The following MPST variants were observed in gnomAD, a reference collection of about 807,000 sequenced individuals.
MPST encodes the protein 3-mercaptopyruvate sulfurtransferase.
In MPST, 27 loss-of-function variants were observed where a neutral mutation model predicts 28.5. The ratio of observed to expected loss-of-function variants is 0.95; its 90% CI spans 0.70 to 1.31. MPST has a LOEUF of 1.31. MPST is among the 50% of genes most tolerant of loss of function. MPST has a pLI of 0.00. For synonymous variants in MPST, 204 were observed against 209.3 expected (o/e 0.97, Z 0.22); for missense variants, 492 against 471.1 (o/e 1.04, Z -0.41).
chr22:37,020,051 T>G (rs1922948220), intron 1 of MPST, 179 bp downstream of exon 1: 11 of 332,796 alleles, frequency 3.3e-5, no homozygotes, highest in Admixed American at 1.5e-4. Context: ...GCCTGCCGGG[T>G]GGGGTCGTGG....
Position 37,019,771 on chromosome 22 carries a change from G to T in MPST, c.-66G>T. 1.4e-6 allele frequency: 1 copy of T among 731,348 alleles called. No homozygotes were observed. Among genetic ancestry groups the T allele is most frequent in the Non-Finnish European group, 1.9e-6 (1 of 530,654 alleles). The allele number at this position is 731,348 out of a possible 1,614,324, so 45.3% of individuals were successfully genotyped here. A position where few individuals can be genotyped will look rare whatever the true frequency, so the allele number is the denominator to read the frequency against. ...CGGAGTCTCCTCCCTTTGGTCCGCT[G>T]CAGGTTGGTGGCGGGAGGAGGGGAC... On this transcript the variant is annotated 5_prime_UTR_variant, in exon 1 of 3. Transcript: ENST00000429360.
At position 37,029,441 on chromosome 22, in the gene MPST, G is replaced by A. The variant is rs1352286294; in HGVS notation, c.881G>A (p.Gly294Asp). Residue 294 changes from glycine (G) to aspartate (D), a missense_variant, in exon 3 of 3, where the codon GGC becomes GAC. By Grantham distance (94) the Gly-to-Asp change is moderately conservative. Coordinates refer to ENST00000429360, the MANE Select transcript of MPST (RefSeq NM_021126.8). Reference protein sequence around the residue: ...CGKPDVPIYDGSWVEWYMRAR... With the variant: ...CGKPDVPIYDDSWVEWYMRAR... ...AAGCCAGACGTGCCCATCTACGATG[G>A]CTCCTGGGTGGAGTGGTACATGCGC... is the stretch of plus-strand genomic sequence containing the variant. 3.7e-6 allele frequency: 6 copies of A among 1,613,678 alleles called. No homozygotes were observed. Among genetic ancestry groups the A allele is most frequent in the Non-Finnish European group, 5.1e-6 (6 of 1,179,996 alleles).
rs184103767 is a variant in MPST, at chr22:37,024,463, C to A, written c.308C>A (p.Ala103Glu). Residue 103 changes from alanine to glutamate, a missense_variant, in exon 2 of 3, where the codon GCG becomes GAG. Physicochemically the swap from Ala to Glu is moderately radical, Grantham distance 107. Coordinates refer to ENST00000429360, the MANE Select transcript of MPST (RefSeq NM_021126.8). ...ATGCTGCCCGGGGCCGAGCATTTCG[C>A]GGAGTACGCAGGCCGCCTGGGCGTG... is the stretch of plus-strand genomic sequence containing the variant. ...DHMLPGAEHF[A>E]EYAGRLGVGA... 30 of 1,552,306 alleles carry A rather than the reference C, an allele frequency of 1.9e-5. No homozygotes were observed. The highest frequency in any genetic ancestry group is 2.5e-5 in the Non-Finnish European group (29 of 1,149,172).
intron 1 of MPST, chr22:37,023,496 T>C (rs41280015): frequency 0.017 from 2,661 of 152,970 alleles, 30 homozygotes; most frequent in Middle Eastern, 0.034. Context: ...ACTTCTGACC[T>C]CAGGTGATCC....
At position 37,024,511 on chromosome 22, in the gene MPST, T is replaced by A. The variant is rs1281520779; in HGVS notation, c.356T>A (p.Ile119Asn). 8.9e-6 allele frequency: 14 copies of A among 1,565,188 alleles called. No individual in the cohort carries two copies. Among genetic ancestry groups the A allele is most frequent in the Non-Finnish European group, 1.2e-5 (14 of 1,159,916 alleles). The change falls in exon 2 of 3, where the codon ATC (isoleucine) becomes AAC (asparagine). Residue 119 changes from isoleucine to asparagine, a missense_variant. Coordinates refer to ENST00000429360, the MANE Select transcript of MPST (RefSeq NM_021126.8). ...LGVGAATHVV[I>N]YDASDQGLYS... Reference sequence around the variant, plus strand: ...GTGGGCGCGGCCACCCACGTCGTGATCTACGACGCCAGCGACCAGGGCCTC... The same window carrying A: ...GTGGGCGCGGCCACCCACGTCGTGAACTACGACGCCAGCGACCAGGGCCTC...
intron 1 of MPST, among the ~76,000 whole-genome samples, chr22:37,020,992 A>C (rs571839649): frequency 1.3e-5 from 2 of 152,036 alleles, no homozygotes; most frequent in East Asian, 1.9e-4. Flanking sequence ...TTTTGTTCTA[A>C]AATGCTCACA....
Position 37,019,871 on chromosome 22 carries a change from G to C in MPST, c.35G>C (p.Arg12Pro). The stretch of plus-strand genomic sequence containing the variant: ...CCAGGAAGCCGGGAGTCCGAGACCC[G>C]GGTAACTGCCGCGGCGTGGCGGCTT... ...AEPGSRESET[R>P]ARSPSVAAMA... The change falls in exon 1 of 3, where the codon CGG becomes CCG. Residue 12 changes from arginine to proline, a missense_variant and splice_region_variant. Coordinates refer to ENST00000429360, the MANE Select transcript of MPST (RefSeq NM_021126.8). 2 of 1,220,324 alleles carry C rather than the reference G, an allele frequency of 1.6e-6. No homozygotes were observed. The highest frequency in any genetic ancestry group is 3.1e-5 in the African/African-American group (2 of 64,248). The allele number at this position is 1,220,324 out of a possible 1,614,324, so 75.6% of individuals were successfully genotyped here.
At chr22:37,025,017 C>T in intron 2 of MPST, 3 of 1,489,812 alleles carry the variant, frequency 2.0e-6, no homozygotes, top group Non-Finnish European at 2.7e-6. Context: ...GGCTCTACCG[C>T]CCAGGCTGGA....
At chr22:37,023,859 T>G in intron 1 of MPST, 1 of 1,426,254 alleles carries the variant, frequency 7.0e-7, no homozygotes, top group Middle Eastern at 1.9e-4. Flanking sequence ...TTGCCCCTGT[T>G]TGTGCCTTGA....
In MPST at chr22:37,029,654, G is replaced by A. The variant is rs1923772684; in HGVS notation, c.*140G>A. On this transcript the variant is annotated 3_prime_UTR_variant, in exon 3 of 3. Transcript: ENST00000429360. ...TTTGGGGTGACATCTCAAAGGCCAGGAATTCCGTTGACTTGTTGGCTGCCA... is the reference window on the plus strand; with the variant it reads ...TTTGGGGTGACATCTCAAAGGCCAGAAATTCCGTTGACTTGTTGGCTGCCA... The A allele has an allele frequency of 6.7e-6, 6 of 890,376 alleles. No homozygotes were observed. Among genetic ancestry groups the A allele is most frequent in the South Asian group, 1.8e-5 (1 of 56,370 alleles). 55.2% of individuals were successfully genotyped at this position (890,376 alleles called of 1,614,324 possible).
chr22:37,025,048 C>A, intron 2 of MPST: 1 of 1,496,270 alleles, frequency 6.7e-7, no homozygotes, highest in Non-Finnish European at 9.1e-7. Context: ...ACAATCATGG[C>A]TCACTGCAGC....
At chr22:37,021,369 A>G (rs1923059500) in intron 1 of MPST, among the ~76,000 whole-genome samples, 1 of 152,110 alleles carries the variant, frequency 6.6e-6, no homozygotes, top group Non-Finnish European at 1.5e-5. Flanking sequence ...GTGACCTCAG[A>G]TCTCTGAAGT....
rs776380153 is a variant in MPST, at chr22:37,029,210, C to G, written c.656-6C>G. 1.9e-6 allele frequency: 3 copies of G among 1,612,792 alleles called. No homozygotes were observed. In the African/African-American group the frequency reaches 4.0e-5, roughly 22 times the overall value. ...TTGTCCCCTCCTCCCTGCTCCCCTG[C>G]TGTAGGCATTGAACCTGGCCACATC... On this transcript the variant is annotated splice_region_variant and splice_polypyrimidine_tract_variant and intron_variant, in intron 2 of 2. Transcript: ENST00000429360.
intron 2 of MPST, chr22:37,028,640 C>T (rs1923686225): frequency 1.3e-5 from 2 of 152,820 alleles, no homozygotes; most frequent in Non-Finnish European, 2.9e-5. Flanking sequence ...TGCTTGAGCC[C>T]AGGAGGTTGA....
Position 37,029,662 on chromosome 22 carries a change from T to A in MPST, c.*148T>A. On this transcript the variant is annotated 3_prime_UTR_variant, in exon 3 of 3. Transcript: ENST00000429360. ...GACATCTCAAAGGCCAGGAATTCCG[T>A]TGACTTGTTGGCTGCCAGTAGGGGC... 1.2e-6 allele frequency: 1 copy of A among 840,032 alleles called. No individual in the cohort carries two copies. Among genetic ancestry groups the A allele is most frequent in the Non-Finnish European group, 1.8e-6 (1 of 552,844 alleles). 52.0% of individuals were successfully genotyped at this position (840,032 alleles called of 1,614,324 possible). A position where few individuals can be genotyped will look rare whatever the true frequency, so the allele number is the denominator to read the frequency against.
chr22:37,023,168 C>T (rs1422570889), intron 1 of MPST: 1 of 152,382 alleles, frequency 6.6e-6, no homozygotes, highest in Non-Finnish European at 1.5e-5. Context: ...GGAGCCTGCA[C>T]AGAGTGTGTG....
In MPST at chr22:37,025,259, A is replaced by G. The variant is rs1044292343; in HGVS notation, c.655+449A>G. The G allele has an allele frequency of 5.7e-6, 5 of 873,900 alleles. No individual in the cohort carries two copies. The African/African-American group carries it at 8.9e-5, about 16-fold the overall frequency. The allele number at this position is 873,900 out of a possible 1,614,324, so 54.1% of individuals were successfully genotyped here. ...GCTCATTGGGAACCCTGGTTGCCCA[A>G]ACAGCTCTCAATCCAACACTAGAGG... On this transcript the variant is annotated intron_variant, in intron 2 of 2. Transcript: ENST00000429360.
intron 1 of MPST, among the ~76,000 whole-genome samples, chr22:37,020,948 C>T (rs567723227): frequency 6.6e-6 from 1 of 152,052 alleles, no homozygotes; most frequent in South Asian, 2.1e-4. Context: ...CATGAGCCAC[C>T]ATCCCTGGCC....
At chr22:37,029,062 T>A (rs915186173) in intron 2 of MPST, 154 bp from the exon 3 acceptor site, 4 of 739,932 alleles carry the variant, frequency 5.4e-6, no homozygotes, top group Non-Finnish European at 8.6e-6. Context: ...AGTGCTCAGG[T>A]TTTATGGTTG....
Sources: allele counts gnomAD v4.1 joint callset (sites outside exome capture counted in the v4.1 genomes callset), GRCh38; gene constraint gnomAD v4.1.1; transcripts MANE v1.5; gene names NCBI Gene and HGNC (gene_info 2026-07-23, HGNC 2026-07-21).